Variants in HSPA12A observed in about 807,000 individuals in gnomAD.
HSPA12A encodes the protein heat shock protein family A (Hsp70) member 12A.
In HSPA12A, 28 loss-of-function variants were observed where a neutral mutation model predicts 69.2. The ratio of observed to expected loss-of-function variants is 0.40; its 90% CI spans 0.30 to 0.55. HSPA12A has a LOEUF of 0.55. Among genes scored for constraint, HSPA12A ranks in the 20% least tolerant of loss-of-function variants. The probability of loss-of-function intolerance (pLI) is 0.38; values close to 1 mark genes in which losing one functional copy is unlikely to be tolerated. For synonymous variants in HSPA12A, 345 were observed against 370.5 expected (o/e 0.93, Z 0.79); for missense variants, 686 against 900.7 (o/e 0.76, Z 3.05).
chr10:116,820,706 G>T (rs1564830805), intron 2 of HSPA12A, among the ~76,000 whole-genome samples: 4 of 152,006 alleles, frequency 2.6e-5, no homozygotes, highest in African/African-American at 4.8e-5. Context: ...TTCCTTGGGG[G>T]ATCTCTTCCG....
intron 2 of HSPA12A, among the ~76,000 whole-genome samples, chr10:116,811,794 A>G (rs1036488960): frequency 6.6e-6 from 1 of 152,148 alleles, no homozygotes. Context: ...TGTAATAGCA[A>G]TAACCCCTAC....
At chr10:116,739,955 C>T (rs1851430580) in intron 1 of HSPA12A, among the ~76,000 whole-genome samples, 1 of 152,232 alleles carries the variant, frequency 6.6e-6, no homozygotes, top group South Asian at 2.1e-4. Flanking sequence ...CCAACACCAC[C>T]TACCCACCAG....
At chr10:116,847,795 A>AG (rs1845919953) in intron 1 of HSPA12A, among the ~76,000 whole-genome samples, 1 of 152,210 alleles carries the variant, frequency 6.6e-6, no homozygotes, top group Non-Finnish European at 1.5e-5. Flanking sequence ...ATAGGGTTAT[A>AG]GGGGGAGACT....
At chr10:116,699,978 G>C (rs1171657614) in intron 4 of HSPA12A, among the ~76,000 whole-genome samples, 3 of 152,216 alleles carry the variant, frequency 2.0e-5, no homozygotes, top group Non-Finnish European at 4.4e-5. Context: ...AAAGCAATTA[G>C]AATAGGAGCT....
chr10:116,698,278 ATCT>A (rs1385551829), intron 5 of HSPA12A: 5 of 194,304 alleles, frequency 2.6e-5, no homozygotes, highest in Admixed American at 2.2e-4. Context: ...GTGTGTGGAC[ATCT>A]TCTTTCATTT....
intron 2 of HSPA12A, among the ~76,000 whole-genome samples, chr10:116,705,893 CTT>C (rs369606540): frequency 2.6e-5 from 3 of 115,612 alleles, no homozygotes; most frequent in Middle Eastern, 4.9e-3. Flanking sequence ...TCTCTCTCTC[CTT>C]TTTTTTTTTT....
chr10:116,705,554 C>T (rs914724215), intron 2 of HSPA12A, among the ~76,000 whole-genome samples: 6 of 152,256 alleles, frequency 3.9e-5, no homozygotes, highest in Non-Finnish European at 7.3e-5. Flanking sequence ...ACCGTGCCCG[C>T]ACACGGCTAG....
chr10:116,822,250 T>C (rs557743876), intron 2 of HSPA12A, among the ~76,000 whole-genome samples: 81 of 152,346 alleles, frequency 5.3e-4, no homozygotes, highest in Middle Eastern at 3.4e-3. Flanking sequence ...CTTTGGGTTC[T>C]AGTCTTCCCT....
chr10:116,791,464 G>T (rs971047127), intron 2 of HSPA12A, among the ~76,000 whole-genome samples: 6 of 152,056 alleles, frequency 3.9e-5, no homozygotes, highest in African/African-American at 1.4e-4. Flanking sequence ...GGTTAATATC[G>T]CCCCGTCAGA....
intron 2 of HSPA12A, among the ~76,000 whole-genome samples, chr10:116,751,998 C>A (rs1192976898): frequency 6.6e-6 from 1 of 152,238 alleles, no homozygotes; most frequent in Admixed American, 6.5e-5. Context: ...ATTTACACTT[C>A]TTTTCTTTAT....
intron 2 of HSPA12A, among the ~76,000 whole-genome samples, chr10:116,811,515 T>C (rs1182160544): frequency 1.4e-5 from 2 of 146,578 alleles, no homozygotes; most frequent in African/African-American, 2.6e-5. Context: ...CTGGTCCTGC[T>C]CCAGGCATTT....
At chr10:116,715,714 C>T (rs546076722) in intron 1 of HSPA12A, among the ~76,000 whole-genome samples, 9 of 152,332 alleles carry the variant, frequency 5.9e-5, no homozygotes, top group South Asian at 2.1e-4. Context: ...AGCTCCCGGA[C>T]GGCAGGTCAA....
intron 1 of HSPA12A, chr10:116,849,424 G>T: frequency 8.4e-7 from 1 of 1,195,952 alleles, no homozygotes. Context: ...CCAATAAAAG[G>T]GAACGACTTT....
rs555724319 is a variant in HSPA12A, at chr10:116,800,846, T to C, written c.91+34089A>G. On this transcript the variant is annotated intron_variant, in intron 2 of 12. Transcript: ENST00000635765. The stretch of plus-strand genomic sequence containing the variant: ...CAAACAGCAAGAAAGTCATCTAAAG[T>C]TGCAGCCTTGAAGCCTTGAAAAATT... 4.2e-4 allele frequency among the ~76,000 whole-genome samples: 64 copies of C among 152,294 alleles called. No individual in the cohort carries two copies. The Middle Eastern group carries it at 0.01, about 24-fold the overall frequency.
At chr10:116,760,632 C>T (rs1444447668) in intron 2 of HSPA12A, among the ~76,000 whole-genome samples, 1 of 152,200 alleles carries the variant, frequency 6.6e-6, no homozygotes, top group African/African-American at 2.4e-5. Flanking sequence ...TTATCAAATT[C>T]CAAATCACAT....
chr10:116,810,698 A>C (rs1408780048), intron 2 of HSPA12A, among the ~76,000 whole-genome samples: 1 of 152,152 alleles, frequency 6.6e-6, no homozygotes, highest in Non-Finnish European at 1.5e-5. Context: ...AAAACTATTG[A>C]ATCAGAAACT....
At chr10:116,808,367 T>C (rs971048312) in intron 2 of HSPA12A, among the ~76,000 whole-genome samples, 5 of 152,132 alleles carry the variant, frequency 3.3e-5, no homozygotes, top group African/African-American at 1.2e-4. Context: ...AGATGCAAGC[T>C]GGGTGACATC....
At chr10:116,800,157 G>C (rs564455916) in intron 2 of HSPA12A, among the ~76,000 whole-genome samples, 1 of 152,272 alleles carries the variant, frequency 6.6e-6, no homozygotes, top group Non-Finnish European at 1.5e-5. Context: ...GCCAATACAG[G>C]GTTCAGGTGA....
At chr10:116,850,728 G>C (rs1463626975), upstream of HSPA12A, among the ~76,000 whole-genome samples, 2 of 152,080 alleles carry the variant, frequency 1.3e-5, no homozygotes, top group African/African-American at 4.8e-5. Flanking sequence ...AGAGGTGTGG[G>C]GTTTACTGAG....
Sources: gnomAD v4.1 joint callset for allele counts (sites outside exome capture counted in the v4.1 genomes callset) on GRCh38, gnomAD v4.1.1 for gene constraint, MANE v1.5 for transcripts, NCBI Gene and HGNC (gene_info 2026-07-23, HGNC 2026-07-21) for gene names.